FGFR2: variants seen among roughly 807,000 people sequenced by gnomAD.
FGFR2 encodes BEK fibroblast growth factor receptor.
FGFR2 carries 19 observed loss-of-function variants against 95.9 expected under a neutral mutation model. The ratio of observed to expected loss-of-function variants is 0.20; its 90% CI spans 0.14 to 0.29. The LOEUF (loss-of-function observed/expected upper bound fraction) is 0.29. FGFR2 is among the 10% of genes least tolerant of loss of function. The probability of loss-of-function intolerance (pLI) is 1.00; values close to 1 mark genes in which losing one functional copy is unlikely to be tolerated. For missense variants in FGFR2, 707 were observed against 1,056.9 expected (o/e 0.67, Z 4.59); for synonymous variants, 392 against 393.3 (o/e 1.00, Z 0.04).
At chr10:121,537,548 T>C (rs986852236) in intron 6 of FGFR2, among the ~76,000 whole-genome samples, 2 of 152,202 alleles carry the variant, frequency 1.3e-5, no homozygotes, top group Non-Finnish European at 2.9e-5. Flanking sequence ...CATGAGATGA[T>C]ACTAGGCACA....
chr10:121,509,969 T>C (rs1387455313), intron 9 of FGFR2, among the ~76,000 whole-genome samples: 1 of 152,102 alleles, frequency 6.6e-6, no homozygotes, highest in African/African-American at 2.4e-5. Flanking sequence ...ACTCTTAGGC[T>C]GCAAACCACC....
intron 6 of FGFR2, among the ~76,000 whole-genome samples, chr10:121,522,284 G>A (rs1476043074): frequency 6.6e-6 from 1 of 152,208 alleles, no homozygotes; most frequent in Non-Finnish European, 1.5e-5. Flanking sequence ...AGGCGCAGTG[G>A]TTCATGCCTT....
chr10:121,558,830 G>A (rs137872497), intron 4 of FGFR2, among the ~76,000 whole-genome samples: 2,071 of 151,814 alleles, frequency 0.014, 60 homozygotes, highest in East Asian at 0.071. Flanking sequence ...CTTGTGATCC[G>A]CCTGCCTCGG....
chr10:121,538,529 T>C, intron 6 of FGFR2, 63 bp downstream of exon 6: 1 of 1,612,670 alleles, frequency 6.2e-7, no homozygotes, highest in Non-Finnish European at 8.5e-7. Flanking sequence ...CGTTCATGCT[T>C]TCAAACGAGT....
intron 5 of FGFR2, 33 bp downstream of exon 5, chr10:121,551,256 TA>T (rs753737613): frequency 6.2e-7 from 1 of 1,610,960 alleles, no homozygotes; most frequent in Admixed American, 1.7e-5. Flanking sequence ...AACAAAAATG[TA>T]AGAAATGTGA....
chr10:121,588,910 T>C (rs534982308), intron 2 of FGFR2, among the ~76,000 whole-genome samples: 1 of 151,770 alleles, frequency 6.6e-6, no homozygotes, highest in African/African-American at 2.4e-5. Flanking sequence ...CAAGACTCTG[T>C]CTCAAAAAAC....
At chr10:121,522,116 GT>G (rs1161124987) in intron 6 of FGFR2, among the ~76,000 whole-genome samples, 1 of 152,202 alleles carries the variant, frequency 6.6e-6, no homozygotes, top group Admixed American at 6.5e-5. Context: ...CGGAACGGTG[GT>G]TGCCAGGGGC....
chr10:121,488,334 A>T (rs2133844301), intron 13 of FGFR2, among the ~76,000 whole-genome samples: 1 of 152,198 alleles, frequency 6.6e-6, no homozygotes, highest in Non-Finnish European at 1.5e-5. Flanking sequence ...TGAGGTCAGT[A>T]GTTCGAGACC....
At chr10:121,569,219 CTTTTCTT>C (rs1564708311) in intron 2 of FGFR2, among the ~76,000 whole-genome samples, 1 of 137,874 alleles carries the variant, frequency 7.3e-6, no homozygotes, top group Non-Finnish European at 1.5e-5. Context: ...CTTTTCTTTT[CTTTTCTT>C]TTTTTTTTTT....
intron 13 of FGFR2, among the ~76,000 whole-genome samples, chr10:121,490,858 C>G (rs1221268372): frequency 6.6e-6 from 1 of 152,180 alleles, no homozygotes; most frequent in African/African-American, 2.4e-5. Flanking sequence ...CCCGGGTAGC[C>G]TAAGCCCAGA....
At chr10:121,551,093 A>G (rs746647017) in intron 5 of FGFR2, among the ~76,000 whole-genome samples, 197 bp downstream of exon 5, 1 of 151,988 alleles carries the variant, frequency 6.6e-6, no homozygotes, top group Non-Finnish European at 1.5e-5. Flanking sequence ...GGTGGCACAC[A>G]CCTGTAGTCC....
chr10:121,517,215 T>G lies in FGFR2; in HGVS notation c.1084+104A>C, dbSNP rs181671614. The G allele has an allele frequency of 7.8e-7, 1 of 1,274,000 alleles. No homozygotes were observed. The highest frequency in any genetic ancestry group is 1.7e-5 in the Admixed American group (1 of 58,388). 78.9% of individuals were successfully genotyped at this position (1,274,000 alleles called of 1,614,324 possible). On this transcript the variant is annotated intron_variant, in intron 8 of 17. Coordinates refer to ENST00000358487, the MANE Select transcript of FGFR2 (RefSeq NM_000141.5). This position sits in a 1 kb window ranked among gnomAD's most constrained non-coding sequence, Gnocchi z 4.7. ...ATTTTTAACATTTTTTATATCTTTA[T>G]GCAAGGATAAAAGGGGCCATTTCTG...
At chr10:121,570,670 C>T (rs561856539) in intron 2 of FGFR2, among the ~76,000 whole-genome samples, 1 of 152,340 alleles carries the variant, frequency 6.6e-6, no homozygotes, top group South Asian at 2.1e-4. Flanking sequence ...AGCCGCCTTG[C>T]TATGCACAAA....
At chr10:121,549,160 T>G (rs1855005607) in intron 5 of FGFR2, among the ~76,000 whole-genome samples, 1 of 152,214 alleles carries the variant, frequency 6.6e-6, no homozygotes, top group African/African-American at 2.4e-5. Flanking sequence ...TTCCTCTGAA[T>G]TTTGGCCTCT....
intron 5 of FGFR2, among the ~76,000 whole-genome samples, chr10:121,550,450 C>G (rs1305686170): frequency 1.3e-5 from 2 of 152,310 alleles, no homozygotes; most frequent in Admixed American, 1.3e-4. Flanking sequence ...TGCAGGGAGA[C>G]AGCTGCCAAT....
chr10:121,512,380 A>T (rs1459256391), intron 9 of FGFR2, among the ~76,000 whole-genome samples: 1 of 152,208 alleles, frequency 6.6e-6, no homozygotes, highest in Non-Finnish European at 1.5e-5. Context: ...CCACTTGGAC[A>T]TGTAGAAGGA....
At chr10:121,557,905 T>A (rs1435429528) in intron 4 of FGFR2, among the ~76,000 whole-genome samples, 5 of 152,170 alleles carry the variant, frequency 3.3e-5, no homozygotes, top group African/African-American at 1.2e-4. Flanking sequence ...CCTTTCTCCC[T>A]GACATGGAGT....
intron 1 of FGFR2, 175 bp from the exon 2 acceptor site, chr10:121,594,142 G>C: frequency 2.0e-6 from 1 of 495,742 alleles, no homozygotes; most frequent in East Asian, 3.5e-5. Context: ...CACCAGACCG[G>C]TCCACAGAAA....
rs121918504 is a variant in FGFR2 at position 121,517,460 on chromosome 10, C to A, written c.943G>T (p.Ala315Ser). The change falls in exon 8 of 18, where the codon GCC becomes TCC. Residue 315 changes from alanine (A) to serine (S), a missense_variant. By Grantham distance (99) the Ala-to-Ser change is moderately conservative. This residue lies in a region of FGFR2 where 139 missense variants were observed against 278.1 expected (regional missense o/e 0.50). Transcript: ENST00000358487. The surrounding 1 kb of genome is among the most constrained non-coding windows in gnomAD (Gnocchi z 4.7). ...GLPYLKVLKA[A>S]GVNTTDKEIE... ...TCTTTGTCCGTGGTGTTAACACCGG[C>A]GGCCTAGAAAACAAGGGAAGCAAAA... The A allele has an allele frequency of 6.2e-6, 10 of 1,614,090 alleles. No homozygotes were observed. The highest frequency in any genetic ancestry group is 1.1e-5 in the South Asian group (1 of 91,070).
Sources: allele counts gnomAD v4.1 joint callset (sites outside exome capture counted in the v4.1 genomes callset), GRCh38; gene constraint gnomAD v4.1.1; regional missense constraint gnomAD v4.1.1; non-coding constraint Gnocchi (gnomAD v3.1); transcripts MANE v1.5; gene names NCBI Gene and HGNC (gene_info 2026-07-23, HGNC 2026-07-21).